The following PDE4D variants were observed in gnomAD, a reference collection of about 807,000 sequenced individuals.
PDE4D encodes phosphodiesterase 4D.
Under a neutral mutation model 87.4 loss-of-function variants are expected in PDE4D, and 24 were observed. That is an observed-to-expected ratio of 0.27 (90% CI 0.20 to 0.39). The LOEUF is 0.39. Among genes scored for constraint, PDE4D ranks in the 10% least tolerant of loss-of-function variants. The pLI, the probability that PDE4D is intolerant of heterozygous loss-of-function variation, is 1.00. For missense variants in PDE4D, 714 were observed against 1,041.0 expected (o/e 0.69, Z 4.32); for synonymous variants, 384 against 383.2 (o/e 1.00, Z -0.02).
At chr5:59,206,654 A>G (rs550581804) in intron 2 of PDE4D, among the ~76,000 whole-genome samples, 1 of 152,308 alleles carries the variant, frequency 6.6e-6, no homozygotes, top group Non-Finnish European at 1.5e-5. Flanking sequence ...CATGCTCCAA[A>G]CAATTTTTTT....
intron 1 of PDE4D, among the ~76,000 whole-genome samples, chr5:59,841,105 C>T (rs1358955895): frequency 6.6e-6 from 1 of 152,050 alleles, no homozygotes; most frequent in East Asian, 1.9e-4. Flanking sequence ...GTTTCTCTTG[C>T]ACTTGGGGTG....
At chr5:59,851,454 G>A (rs1159578511) in intron 1 of PDE4D, among the ~76,000 whole-genome samples, 1 of 151,938 alleles carries the variant, frequency 6.6e-6, no homozygotes, top group Non-Finnish European at 1.5e-5. Context: ...CATAGACCTG[G>A]TATGTTAGAC....
intron 1 of PDE4D, among the ~76,000 whole-genome samples, chr5:60,340,181 G>A (rs568040643): frequency 6.6e-6 from 1 of 152,318 alleles, no homozygotes; most frequent in Non-Finnish European, 1.5e-5. Context: ...GGGAATCCCT[G>A]CTTACAGCGC....
chr5:59,717,493 C>T (rs1371511193), intron 1 of PDE4D, among the ~76,000 whole-genome samples: 4 of 152,068 alleles, frequency 2.6e-5, no homozygotes, highest in East Asian at 1.9e-4. Flanking sequence ...GGCACAGCCA[C>T]AATTTCAGAA....
intron 5 of PDE4D, among the ~76,000 whole-genome samples, chr5:59,067,173 T>G (rs1189348727): frequency 2.3e-5 from 2 of 85,998 alleles, no homozygotes; most frequent in African/African-American, 4.1e-5. Context: ...TGTGACCACA[T>G]TTGGCTGATT....
chr5:60,277,353 A>G, intron 1 of PDE4D, among the ~76,000 whole-genome samples: 1 of 152,280 alleles, frequency 6.6e-6, no homozygotes, highest in African/African-American at 2.4e-5. Flanking sequence ...TGCAGATTAC[A>G]TGATACAAAA....
At chr5:60,283,809 CTGTTA>C (rs1389941104) in intron 1 of PDE4D, among the ~76,000 whole-genome samples, 1 of 151,994 alleles carries the variant, frequency 6.6e-6, no homozygotes, top group Non-Finnish European at 1.5e-5. Context: ...CTATGAGCTG[CTGTTA>C]TATTTGAGGG....
intron 1 of PDE4D, among the ~76,000 whole-genome samples, chr5:59,680,404 T>A (rs961609123): frequency 6.6e-6 from 1 of 152,168 alleles, no homozygotes; most frequent in Non-Finnish European, 1.5e-5. Context: ...TCTTAAATGG[T>A]GCTAGAGATT....
intron 1 of PDE4D, among the ~76,000 whole-genome samples, chr5:59,523,521 A>G (rs958286858): frequency 6.6e-6 from 1 of 152,202 alleles, no homozygotes; most frequent in African/African-American, 2.4e-5. Context: ...TTTGTGCTAC[A>G]TTCTCTCTTG....
chr5:59,547,797 C>A (rs1046280081), intron 1 of PDE4D, among the ~76,000 whole-genome samples: 1 of 152,106 alleles, frequency 6.6e-6, no homozygotes, highest in African/African-American at 2.4e-5. Flanking sequence ...TGATTAATCC[C>A]CCTCCTACTG....
chr5:59,041,876 A>G (rs914057083), intron 5 of PDE4D, among the ~76,000 whole-genome samples: 2 of 152,214 alleles, frequency 1.3e-5, no homozygotes. Flanking sequence ...CTAATGCTTC[A>G]AGACATCATG....
chr5:59,874,058 T>G (rs1418953796), intron 1 of PDE4D, among the ~76,000 whole-genome samples: 1 of 152,106 alleles, frequency 6.6e-6, no homozygotes, highest in East Asian at 1.9e-4. Flanking sequence ...GAAAAATTTT[T>G]TTTTAAAAAA....
intron 3 of PDE4D, among the ~76,000 whole-genome samples, chr5:59,900,689 A>T (rs545325878): frequency 6.6e-6 from 1 of 152,324 alleles, no homozygotes; most frequent in East Asian, 1.9e-4. Context: ...CATCTGTCAC[A>T]AGCTCTTAGC....
chr5:59,525,768 T>C (rs1196778269), intron 1 of PDE4D, among the ~76,000 whole-genome samples: 1 of 152,184 alleles, frequency 6.6e-6, no homozygotes, highest in Non-Finnish European at 1.5e-5. Flanking sequence ...GTTCTCATGA[T>C]AGTGAGTGAC....
chr5:59,971,365 A>AATAAATAAATAAATAC (rs1387826475), intron 3 of PDE4D, among the ~76,000 whole-genome samples: 13 of 151,212 alleles, frequency 8.6e-5, no homozygotes, highest in Non-Finnish European at 1.9e-4. Context: ...AATAATAAAA[A>AATAAATAAATAAATAC]ATAAATAAAT....
chr5:59,901,065 T>C (rs1303193018), intron 3 of PDE4D, among the ~76,000 whole-genome samples: 2 of 152,202 alleles, frequency 1.3e-5, no homozygotes, highest in Non-Finnish European at 2.9e-5. Flanking sequence ...ACGGATTTCT[T>C]AAAATAGAAG....
intron 1 of PDE4D, among the ~76,000 whole-genome samples, chr5:59,662,341 G>A (rs556796124): frequency 1.3e-5 from 2 of 152,164 alleles, no homozygotes; most frequent in Non-Finnish European, 2.9e-5. Context: ...CAATTCAGGA[G>A]AAAGGACAAG....
At chr5:60,322,958 C>T (rs907835260) in intron 1 of PDE4D, among the ~76,000 whole-genome samples, 3 of 152,190 alleles carry the variant, frequency 2.0e-5, no homozygotes, top group Admixed American at 6.5e-5. Context: ...GCTGACCATC[C>T]GATCTTTATC....
intron 1 of PDE4D, among the ~76,000 whole-genome samples, chr5:59,602,163 C>T (rs528159453): frequency 3.3e-4 from 50 of 152,058 alleles, no homozygotes; most frequent in Non-Finnish European, 6.6e-4. Flanking sequence ...GAACAAAGGA[C>T]GAAAACTATA....
Sources: gnomAD v4.1 joint callset for allele counts (sites outside exome capture counted in the v4.1 genomes callset) on GRCh38, gnomAD v4.1.1 for gene constraint, MANE v1.5 for transcripts, NCBI Gene and HGNC (gene_info 2026-07-23, HGNC 2026-07-21) for gene names.